ESR1: variants seen among roughly 807,000 people sequenced by gnomAD.
ESR1 encodes estrogen receptor 1.
ESR1 carries 12 observed loss-of-function variants against 52.7 expected under a neutral mutation model. That is an observed-to-expected ratio of 0.23 (90% confidence interval 0.15 to 0.37). The LOEUF (loss-of-function observed/expected upper bound fraction) is 0.37, where lower values mean the gene tolerates loss of function less well. Among genes scored for constraint, ESR1 ranks in the 10% least tolerant of loss-of-function variants. The probability of loss-of-function intolerance (pLI) is 1.00; values close to 1 mark genes in which losing one functional copy is unlikely to be tolerated. For synonymous variants in ESR1, 305 were observed against 316.8 expected (o/e 0.96, Z 0.39); for missense variants, 584 against 779.7 (o/e 0.75, Z 2.99).
chr6:151,723,625 T>C (rs972078024), intron 2 of ESR1, among the ~76,000 whole-genome samples: 2 of 152,140 alleles, frequency 1.3e-5, no homozygotes, highest in African/African-American at 4.8e-5. Flanking sequence ...TCCCAGCACT[T>C]TGGGAGGCCG....
chr6:151,814,554 C>A (rs936941673), intron 1 of ESR1, among the ~76,000 whole-genome samples: 1 of 152,098 alleles, frequency 6.6e-6, no homozygotes, highest in Non-Finnish European at 1.5e-5. Context: ...AGAGTTCCTA[C>A]CTCAGCCAGT....
chr6:151,913,733 G>C (rs1379302092), intron 3 of ESR1, among the ~76,000 whole-genome samples: 1 of 151,922 alleles, frequency 6.6e-6, no homozygotes. Context: ...TGATACTTCA[G>C]ATTTTGTAAA....
At chr6:152,063,994 A>G (rs1057035692) in intron 6 of ESR1, among the ~76,000 whole-genome samples, 1 of 152,212 alleles carries the variant, frequency 6.6e-6, no homozygotes, top group Non-Finnish European at 1.5e-5. Context: ...TCAAATGCCA[A>G]AATTTCCATG....
chr6:151,963,297 A>T (rs146975919), intron 4 of ESR1, among the ~76,000 whole-genome samples: 1 of 152,148 alleles, frequency 6.6e-6, no homozygotes, highest in African/African-American at 2.4e-5. Context: ...TAATTTTTCA[A>T]TCTCTTTCCA....
chr6:152,067,574 A>G (rs530306565), intron 6 of ESR1, among the ~76,000 whole-genome samples: 1 of 152,304 alleles, frequency 6.6e-6, no homozygotes, highest in Admixed American at 6.5e-5. Context: ...TTAAAAGGAA[A>G]AAATGCTTTG....
At chr6:152,006,666 C>T (rs1391744103) in intron 4 of ESR1, among the ~76,000 whole-genome samples, 3 of 151,842 alleles carry the variant, frequency 2.0e-5, no homozygotes, top group Admixed American at 6.6e-5. Context: ...TGCACTGAGT[C>T]TTTGGCATTG....
In ESR1 at chr6:151,793,200, T is replaced by C. The variant is rs142353480; in HGVS notation, c.-70-14643T>C. Among the ~76,000 whole-genome samples the C allele has an allele frequency of 5.1e-3, 773 of 152,152 alleles. 9 individuals are homozygous for C. The highest frequency in any genetic ancestry group is 0.017 in the African/African-American group (726 of 41,504). ...AAAAAAAAAAAAGTTTTAAACCTTT[T>C]TAAAAAATCAAAGTCACAGACACAT... is the stretch of plus-strand genomic sequence containing the variant. On this transcript the variant is annotated intron_variant, in intron 2 of 2. Transcript: ENST00000404742.
intron 2 of ESR1, among the ~76,000 whole-genome samples, chr6:151,854,956 C>T (rs1323333388): frequency 6.6e-6 from 1 of 152,072 alleles, no homozygotes; most frequent in Non-Finnish European, 1.5e-5. Flanking sequence ...CTCTGTTGCC[C>T]AGGTTGGAGT....
At chr6:151,990,393 T>C (rs1456782693) in intron 4 of ESR1, among the ~76,000 whole-genome samples, 2 of 152,012 alleles carry the variant, frequency 1.3e-5, no homozygotes, top group Non-Finnish European at 2.9e-5. Flanking sequence ...TTGCTGGTGT[T>C]CCTTGTTGTT....
rs1371887672 is a variant in ESR1 at position 151,950,237 on chromosome 6, G to A, written c.1096+5729G>A. On this transcript the variant is annotated intron_variant, in intron 4 of 7. Transcript: ENST00000206249. The stretch of plus-strand genomic sequence containing the variant: ...TCTGGGATGTGTCTTTATGAGCAGT[G>A]TGAAAACAGACTAATACAGTGAGTC... Among the ~76,000 whole-genome samples the A allele has an allele frequency of 2.6e-5, 4 of 152,300 alleles. No homozygotes were observed. In the East Asian group the frequency reaches 5.8e-4, roughly 22 times the overall value.
At chr6:151,801,292 A>G (rs1199664616), upstream of ESR1, among the ~76,000 whole-genome samples, 1 of 152,228 alleles carries the variant, frequency 6.6e-6, no homozygotes, top group Non-Finnish European at 1.5e-5. Context: ...CAGTGAAAGT[A>G]CTTTCTACAT....
chr6:151,989,440 G>C (rs559380422), intron 4 of ESR1, among the ~76,000 whole-genome samples: 1 of 152,022 alleles, frequency 6.6e-6, no homozygotes, highest in Non-Finnish European at 1.5e-5. Flanking sequence ...GGCATTTATA[G>C]TTACCTCTGA....
At chr6:151,973,557 T>A (rs1302040400) in intron 4 of ESR1, among the ~76,000 whole-genome samples, 5 of 152,144 alleles carry the variant, frequency 3.3e-5, no homozygotes, top group African/African-American at 1.2e-4. Flanking sequence ...TAAGTGATGT[T>A]TTTTCCTGAG....
intron 4 of ESR1, among the ~76,000 whole-genome samples, chr6:151,973,155 G>A (rs2039086293): frequency 6.6e-6 from 1 of 152,090 alleles, no homozygotes; most frequent in African/African-American, 2.4e-5. Context: ...ATCCAATCAA[G>A]TTGACATTAC....
chr6:151,764,802 GT>G (rs1784922730), intron 2 of ESR1, among the ~76,000 whole-genome samples: 1 of 152,148 alleles, frequency 6.6e-6, no homozygotes, highest in Non-Finnish European at 1.5e-5. Flanking sequence ...TCTGTTACAC[GT>G]TTGCTTTAAT....
intron 6 of ESR1, among the ~76,000 whole-genome samples, chr6:152,085,573 C>G (rs1461123882): frequency 6.6e-6 from 1 of 152,016 alleles, no homozygotes; most frequent in African/African-American, 2.4e-5. Context: ...CATAGGCTAG[C>G]AATTGATGTT....
intron 1 of ESR1, among the ~76,000 whole-genome samples, chr6:151,682,212 A>G (rs1320130527): frequency 6.6e-6 from 1 of 151,838 alleles, no homozygotes; most frequent in African/African-American, 2.4e-5. Context: ...CTTTGTTTTC[A>G]CTCTATTTCC....
intron 4 of ESR1, among the ~76,000 whole-genome samples, chr6:152,005,020 G>A (rs1484871887): frequency 6.6e-6 from 1 of 151,182 alleles, no homozygotes; most frequent in Non-Finnish European, 1.5e-5. Context: ...TTTGCCTGAA[G>A]AACACCACTT....
At chr6:151,965,876 G>A (rs1172189808) in intron 4 of ESR1, among the ~76,000 whole-genome samples, 1 of 151,878 alleles carries the variant, frequency 6.6e-6, no homozygotes, top group African/African-American at 2.4e-5. Context: ...CATATTTTAT[G>A]TGAAATTTGA....
Sources: gnomAD v4.1 joint callset for allele counts (sites outside exome capture counted in the v4.1 genomes callset) on GRCh38, gnomAD v4.1.1 for gene constraint, MANE v1.5 for transcripts, NCBI Gene and HGNC (gene_info 2026-07-23, HGNC 2026-07-21) for gene names.